Variants in PCSK7 observed in about 807,000 individuals in gnomAD.
PCSK7 encodes proprotein convertase subtilisin/kexin type 7, also known as lymphoma proprotein convertase.
PCSK7 carries 38 observed loss-of-function variants against 73.3 expected under a neutral mutation model. The observed-to-expected ratio is 0.52, with a 90% CI of 0.40 to 0.68. The LOEUF (loss-of-function observed/expected upper bound fraction) is 0.68, where lower values mean the gene tolerates loss of function less well. PCSK7 is among the 30% of genes least tolerant of loss of function. The pLI, the probability that PCSK7 is intolerant of heterozygous loss-of-function variation, is 0.00. For missense variants in PCSK7, 692 were observed against 991.5 expected (o/e 0.70, Z 4.06); for synonymous variants, 296 against 383.8 (o/e 0.77, Z 2.68).
At chr11:117,225,667 A>G (rs774343351) in intron 6 of PCSK7, 2 of 479,290 alleles carry the variant, frequency 4.2e-6, no homozygotes, top group African/African-American at 1.9e-5. Flanking sequence ...GCTTTCTTGC[A>G]GAGGCCTTAG....
chr11:117,204,760 CAAAAAA>C lies in PCSK7; in HGVS notation c.*1231_*1236del. ...CTGGAATATTTTTGGGGTTGGAACT[CAAAAAA>C]AAAAAAAAAAAATCAATCTTTTCTC... On this transcript the variant is annotated 3_prime_UTR_variant, in exon 17 of 17. Coordinates refer to ENST00000320934, the MANE Select transcript of PCSK7 (RefSeq NM_004716.4). The C allele has an allele frequency of 5.7e-6, 1 of 174,188 alleles. No individual in the cohort carries two copies. Among genetic ancestry groups the C allele is most frequent in the Non-Finnish European group, 1.2e-5 (1 of 85,536 alleles). 10.8% of individuals were successfully genotyped at this position (174,188 alleles called of 1,614,324 possible).
In PCSK7 at chr11:117,204,354, A is replaced by T; in HGVS notation, c.*1643T>A. 1 of 1,614,180 alleles carries T rather than the reference A, an allele frequency of 6.2e-7. No individual in the cohort carries two copies. The highest frequency in any genetic ancestry group is 1.1e-5 in the South Asian group (1 of 91,086). On this transcript the variant is annotated 3_prime_UTR_variant, in exon 17 of 17. Transcript: ENST00000320934. ...CTACGGACGACCTCGGCAGATCATCAGTTAGAGCGGAGAGGGCTAGCCCTG... is the reference window on the plus strand; with the variant it reads ...CTACGGACGACCTCGGCAGATCATCTGTTAGAGCGGAGAGGGCTAGCCCTG...
At chr11:117,223,566 A>G in intron 8 of PCSK7, 1 of 525,580 alleles carries the variant, frequency 1.9e-6, no homozygotes, top group Non-Finnish European at 3.4e-6. Flanking sequence ...CTACCTTCAT[A>G]CCCACTTATT....
intron 9 of PCSK7, 37 bp from the exon 10 acceptor site, chr11:117,219,795 C>A: frequency 6.6e-7 from 1 of 1,519,650 alleles, no homozygotes; most frequent in South Asian, 1.3e-5. Flanking sequence ...AGGTTAGAGA[C>A]TGAGTTCAAG....
In PCSK7 at chr11:117,229,761, G is replaced by A. The variant is rs2032571862; in HGVS notation, c.84C>T (p.Leu28=). ...CCATGACCCAGGGAACCAGTAAGAA[G>A]AGCCCGGCTAATTCCAGCCAGAGGC... The part of the protein sequence containing the change: ...PTCLWLELAG[L]FLLVPWVMGL... Residue 28 remains leucine (L), a synonymous_variant, in exon 3 of 17, where the codon CTC becomes CTT. Transcript: ENST00000320934. 1.2e-6 allele frequency: 2 copies of A among 1,613,576 alleles called. No individual in the cohort carries two copies. The highest frequency in any genetic ancestry group is 8.5e-7 in the Non-Finnish European group (1 of 1,179,658).
intron 8 of PCSK7, 133 bp downstream of exon 8, chr11:117,223,945 G>T: frequency 1.1e-6 from 1 of 914,776 alleles, no homozygotes. Flanking sequence ...TGCAAGCAGG[G>T]CTAGTCCTAT....
intron 12 of PCSK7, chr11:117,215,383 T>C (rs1161976225): frequency 2.8e-5 from 2 of 72,122 alleles, no homozygotes. Flanking sequence ...TGTGTGTGTA[T>C]ATATATATAT....
intron 8 of PCSK7, 155 bp downstream of exon 8, chr11:117,223,923 C>A: frequency 2.7e-6 from 2 of 742,884 alleles, no homozygotes; most frequent in Admixed American, 2.4e-5. Context: ...TCTAAGAAGT[C>A]CCAAGGTCCT....
rs940663579 is a variant in PCSK7 at position 117,218,183 on chromosome 11, C to T, written c.1534+283G>A. 4.3e-6 allele frequency: 1 copy of T among 232,166 alleles called. No homozygotes were observed. Among genetic ancestry groups the T allele is most frequent in the Non-Finnish European group, 8.3e-6 (1 of 119,798 alleles). The allele number at this position is 232,166 out of a possible 1,614,324, so 14.4% of individuals were successfully genotyped here. A position where few individuals can be genotyped will look rare whatever the true frequency, so the allele number is the denominator to read the frequency against. ...TCTCACCCCGGTCTCGCCTGACCTC[C>T]CCAAGCCCCAGTCCCATGCCTCCCA... On this transcript the variant is annotated intron_variant, in intron 12 of 16. Coordinates refer to ENST00000320934, the MANE Select transcript of PCSK7 (RefSeq NM_004716.4). This position sits in a 1 kb window ranked among gnomAD's most constrained non-coding sequence, Gnocchi z 4.0.
chr11:117,219,571 T>A lies in PCSK7; in HGVS notation c.1323+20A>T, dbSNP rs2032113808. The A allele has an allele frequency of 2.5e-6, 4 of 1,609,742 alleles. No homozygotes were observed. The African/African-American group carries it at 4.0e-5, about 16-fold the overall frequency. ...GGAGCAGGCTGGGCCAGGCCACTTGTCTACCTGCTGGTATCTCACCCGGGT... is the reference window on the plus strand; with the variant it reads ...GGAGCAGGCTGGGCCAGGCCACTTGACTACCTGCTGGTATCTCACCCGGGT... On this transcript the variant is annotated intron_variant, in intron 10 of 16. Transcript: ENST00000320934.
chr11:117,205,855 G>T lies in PCSK7; in HGVS notation c.*142C>A. ...CTCTGGCAGCAATCCTCCACCATTT[G>T]TATCTTAAGAAGGCCCTCACCCTCT... On this transcript the variant is annotated 3_prime_UTR_variant, in exon 17 of 17. Coordinates refer to ENST00000320934, the MANE Select transcript of PCSK7 (RefSeq NM_004716.4). 1.5e-6 allele frequency: 1 copy of T among 653,284 alleles called. No homozygotes were observed. Among genetic ancestry groups the T allele is most frequent in the South Asian group, 3.6e-5 (1 of 27,620 alleles). 40.5% of individuals were successfully genotyped at this position (653,284 alleles called of 1,614,324 possible).
rs142111655 is a variant in PCSK7, at chr11:117,228,477, G to A, written c.469-127C>T. 96 of 747,456 alleles carry A rather than the reference G, an allele frequency of 1.3e-4. 2 individuals are homozygous for A. The East Asian group carries it at 2.6e-3, about 20-fold the overall frequency. The allele number at this position is 747,456 out of a possible 1,614,324, so 46.3% of individuals were successfully genotyped here. On this transcript the variant is annotated intron_variant, in intron 3 of 16. Coordinates refer to ENST00000320934, the MANE Select transcript of PCSK7 (RefSeq NM_004716.4). ...GAGCCAGACAGATTGCAGACCAATA[G>A]GTCAGGTGGGAACAGAGTCAAGGAG...
chr11:117,213,371 C>T (rs1322367692), intron 12 of PCSK7: 4 of 152,118 alleles, frequency 2.6e-5, no homozygotes, highest in African/African-American at 4.8e-5. Context: ...ATGAAACACT[C>T]GCGCGTTTCA....
At chr11:117,230,092 G>C (rs909487489) in intron 2 of PCSK7, 2 of 472,034 alleles carry the variant, frequency 4.2e-6, no homozygotes, top group East Asian at 3.4e-5. Context: ...CCCACAGCAA[G>C]ACAGCCAATC....
rs1477967018 is a variant in PCSK7, at chr11:117,205,108, GA to G, written c.*888del. 2 of 228,988 alleles carry G rather than the reference GA, an allele frequency of 8.7e-6. No individual in the cohort carries two copies. The highest frequency in any genetic ancestry group is 2.2e-5 in the African/African-American group (1 of 45,176). 14.2% of individuals were successfully genotyped at this position (228,988 alleles called of 1,614,324 possible). On this transcript the variant is annotated 3_prime_UTR_variant, in exon 17 of 17. Coordinates refer to ENST00000320934, the MANE Select transcript of PCSK7 (RefSeq NM_004716.4). ...GTTTTTATTTTGGAAAAGCTGTGCA[GA>G]AAAAAATTCAAGAAAATGTTGCTGT...
At chr11:117,207,000 G>A (rs61905530) in intron 15 of PCSK7, 67 bp downstream of exon 15, 42,328 of 1,530,908 alleles carry the variant, frequency 0.028, 746 homozygotes, top group Non-Finnish European at 0.03. Flanking sequence ...TTCAGAGGGC[G>A]ATGGGCTCCC....
rs2134309208 is a variant in PCSK7, at chr11:117,218,272, T to C, written c.1534+194A>G. On this transcript the variant is annotated intron_variant, in intron 12 of 16. Coordinates refer to ENST00000320934, the MANE Select transcript of PCSK7 (RefSeq NM_004716.4). The surrounding 1 kb of genome is among the most constrained non-coding windows in gnomAD (Gnocchi z 4.0). ...CTACTAGGAACCCAGGAGAAAGGTCTTGTTTAAGCAGCTGGGGGAGCCAAC... is the reference window on the plus strand; with the variant it reads ...CTACTAGGAACCCAGGAGAAAGGTCCTGTTTAAGCAGCTGGGGGAGCCAAC... 3.6e-6 allele frequency: 1 copy of C among 279,000 alleles called. No individual in the cohort carries two copies. The highest frequency in any genetic ancestry group is 6.6e-5 in the East Asian group (1 of 15,094). 17.3% of individuals were successfully genotyped at this position (279,000 alleles called of 1,614,324 possible).
At chr11:117,223,832 G>A (rs1379344418) in intron 8 of PCSK7, 9 of 520,982 alleles carry the variant, frequency 1.7e-5, no homozygotes. Context: ...CAGAGCAGAG[G>A]CCTAACCAGC....
Position 117,204,553 on chromosome 11 carries a change from G to T in PCSK7, c.*1444C>A, listed in dbSNP as rs1042785002. The T allele has an allele frequency of 5.9e-5, 49 of 829,072 alleles. No homozygotes were observed. In the East Asian group the frequency reaches 1.2e-3, roughly 21 times the overall value. The allele number at this position is 829,072 out of a possible 1,614,324, so 51.4% of individuals were successfully genotyped here. On this transcript the variant is annotated 3_prime_UTR_variant, in exon 17 of 17. Transcript: ENST00000320934. The stretch of plus-strand genomic sequence containing the variant: ...CCAGCCTCAGCCCAACTTCTTACCC[G>T]AAAGCATCACTGCCTTGGCCCCTCC...
Sources: gnomAD v4.1 joint callset for allele counts on GRCh38, gnomAD v4.1.1 for gene constraint, Gnocchi (gnomAD v3.1) non-coding constraint, MANE v1.5 for transcripts, NCBI Gene and HGNC (gene_info 2026-07-23, HGNC 2026-07-21) for gene names.